The following CTNNA2 variants were observed in gnomAD, a reference collection of about 807,000 sequenced individuals.
The protein encoded by CTNNA2 is catenin alpha 2.
A neutral mutation model predicts 101.0 loss-of-function variants in CTNNA2; 42 were observed. The ratio of observed to expected loss-of-function variants is 0.42; its 90% CI spans 0.32 to 0.54. The LOEUF is 0.54. Ranked by LOEUF, CTNNA2 falls within the 20% of genes least tolerant of loss-of-function variation. The pLI, the probability that CTNNA2 is intolerant of heterozygous loss-of-function variation, is 0.14. For synonymous variants in CTNNA2, 450 were observed against 456.4 expected, an observed-to-expected ratio of 0.99 and a Z score of 0.18; for missense variants, 871 against 1,223.1, an observed-to-expected ratio of 0.71 and a Z score of 4.29.
chr2:79,731,273 G>T (rs921369130), intron 2 of CTNNA2, among the ~76,000 whole-genome samples: 1 of 152,056 alleles, frequency 6.6e-6, no homozygotes, highest in Non-Finnish European at 1.5e-5. Context: ...TTTCAACGAT[G>T]ATTTTGATGA....
intron 1 of CTNNA2, among the ~76,000 whole-genome samples, chr2:79,518,380 A>G (rs1020430283): frequency 6.6e-6 from 1 of 152,206 alleles, no homozygotes; most frequent in African/African-American, 2.4e-5. Flanking sequence ...CTTGAGTTGT[A>G]TATGGTCTCA....
chr2:80,356,336 T>C, intron 7 of CTNNA2, among the ~76,000 whole-genome samples: 1 of 152,144 alleles, frequency 6.6e-6, no homozygotes, highest in East Asian at 1.9e-4. Flanking sequence ...GGTAAAAACA[T>C]CATTATACCT....
At chr2:80,286,163 C>T (rs1277759370) in intron 7 of CTNNA2, among the ~76,000 whole-genome samples, 1 of 152,060 alleles carries the variant, frequency 6.6e-6, no homozygotes, top group Non-Finnish European at 1.5e-5. Flanking sequence ...TGCTTTATGC[C>T]GTGTTTGGTT....
chr2:79,621,991 T>G (rs1310137760), intron 1 of CTNNA2, among the ~76,000 whole-genome samples: 1 of 152,182 alleles, frequency 6.6e-6, no homozygotes, highest in Non-Finnish European at 1.5e-5. Context: ...GTAGCAGCCT[T>G]CGGAAGCCTG....
chr2:79,600,686 C>A (rs1215125360), intron 1 of CTNNA2, among the ~76,000 whole-genome samples: 1 of 152,130 alleles, frequency 6.6e-6, no homozygotes, highest in Non-Finnish European at 1.5e-5. Flanking sequence ...TTAGTTTGGG[C>A]TCCTATGACA....
chr2:79,591,406 C>T (rs1017740750), intron 1 of CTNNA2, among the ~76,000 whole-genome samples: 7 of 152,174 alleles, frequency 4.6e-5, no homozygotes, highest in Admixed American at 3.9e-4. Flanking sequence ...GACATTGATG[C>T]ATTATCACTC....
At chr2:80,498,356 T>C (rs80053618) in intron 9 of CTNNA2, among the ~76,000 whole-genome samples, 3 of 152,362 alleles carry the variant, frequency 2.0e-5, no homozygotes, top group East Asian at 3.9e-4. Flanking sequence ...TGTGACTGAC[T>C]GAAAGCCTAT....
chr2:79,776,401 A>G (rs1306948737), intron 3 of CTNNA2, among the ~76,000 whole-genome samples: 1 of 152,202 alleles, frequency 6.6e-6, no homozygotes, highest in South Asian at 2.1e-4. Context: ...CATGATAACT[A>G]AGGGCTTTCT....
chr2:79,341,956 A>G (rs770394041), intron 3 of CTNNA2, among the ~76,000 whole-genome samples: 4 of 152,198 alleles, frequency 2.6e-5, no homozygotes, highest in Non-Finnish European at 2.9e-5. Flanking sequence ...GTCAGCTTGC[A>G]GATAAGGTAC....
chr2:79,853,606 GT>G (rs1475875153), intron 3 of CTNNA2, among the ~76,000 whole-genome samples: 1 of 150,604 alleles, frequency 6.6e-6, no homozygotes, highest in Non-Finnish European at 1.5e-5. Context: ...CCTACCTGAT[GT>G]TTTTGTTCCT....
intron 7 of CTNNA2, among the ~76,000 whole-genome samples, chr2:80,136,320 G>A (rs1045523152): frequency 3.3e-5 from 5 of 152,160 alleles, no homozygotes; most frequent in Non-Finnish European, 5.9e-5. Context: ...CTCAGCCTTA[G>A]CATCTGATTT....
At chr2:80,364,920 C>A (rs923111701) in intron 7 of CTNNA2, among the ~76,000 whole-genome samples, 1 of 152,060 alleles carries the variant, frequency 6.6e-6, no homozygotes, top group Non-Finnish European at 1.5e-5. Context: ...GGAAGAAACT[C>A]GGGTTTATGA....
intron 3 of CTNNA2, among the ~76,000 whole-genome samples, chr2:79,337,723 T>C (rs753232671): frequency 3.9e-5 from 6 of 152,126 alleles, no homozygotes; most frequent in Admixed American, 6.5e-5. Context: ...CTGTCTGCTC[T>C]GCACTGAGGA....
intron 4 of CTNNA2, among the ~76,000 whole-genome samples, chr2:79,452,521 G>T (rs1486719821): frequency 6.6e-6 from 1 of 151,762 alleles, no homozygotes; most frequent in African/African-American, 2.4e-5. Context: ...AGTTAAGAGA[G>T]ATTTTTTCTC....
At chr2:79,607,699 T>G (rs1677985658) in intron 1 of CTNNA2, among the ~76,000 whole-genome samples, 1 of 152,026 alleles carries the variant, frequency 6.6e-6, no homozygotes, top group Admixed American at 6.6e-5. Context: ...TAAAAGGAAA[T>G]TATAAAATGT....
chr2:79,945,733 A>G (rs1688447867), intron 7 of CTNNA2, among the ~76,000 whole-genome samples: 1 of 152,184 alleles, frequency 6.6e-6, no homozygotes, highest in Admixed American at 6.5e-5. Flanking sequence ...CACAAGCCAT[A>G]TCCTCTGAGA....
chr2:79,444,390 A>G (rs1399212342), intron 4 of CTNNA2, among the ~76,000 whole-genome samples: 1 of 152,136 alleles, frequency 6.6e-6, no homozygotes, highest in Non-Finnish European at 1.5e-5. Context: ...GAAATATTTT[A>G]TATTAATTTG....
At chr2:79,619,651 C>T (rs1234308287) in intron 1 of CTNNA2, among the ~76,000 whole-genome samples, 2 of 152,038 alleles carry the variant, frequency 1.3e-5, no homozygotes, top group Non-Finnish European at 2.9e-5. Context: ...TTGAATATAG[C>T]CTCATATTTC....
intron 3 of CTNNA2, among the ~76,000 whole-genome samples, chr2:79,800,885 G>A (rs920086511): frequency 1.3e-5 from 2 of 152,182 alleles, no homozygotes; most frequent in Non-Finnish European, 2.9e-5. Flanking sequence ...TCATTTAGGT[G>A]TCATAGAAAG....
Sources: allele counts gnomAD v4.1 joint callset (sites outside exome capture counted in the v4.1 genomes callset), GRCh38; gene constraint gnomAD v4.1.1; transcripts MANE v1.5; gene names NCBI Gene and HGNC (gene_info 2026-07-23, HGNC 2026-07-21).